Variants in SYNE3 observed in about 807,000 individuals in gnomAD.
SYNE3 encodes nesprin-3.
A neutral mutation model predicts 111.2 loss-of-function variants in SYNE3; 100 were observed. The ratio of observed to expected loss-of-function variants is 0.90; its 90% CI spans 0.77 to 1.06. The LOEUF (loss-of-function observed/expected upper bound fraction) is 1.06. Ranked by LOEUF, SYNE3 falls within the 50% of genes least tolerant of loss-of-function variation. SYNE3 has a pLI of 0.00. For missense variants in SYNE3, 1,160 were observed against 1,240.3 expected (o/e 0.94, Z 0.97); for synonymous variants, 547 against 533.9 (o/e 1.02, Z -0.34).
chr14:95,446,589 A>G (rs1436874806), intron 8 of SYNE3, among the ~76,000 whole-genome samples: 1 of 152,000 alleles, frequency 6.6e-6, no homozygotes, highest in African/African-American at 2.4e-5. Flanking sequence ...TATCTGCAAC[A>G]GTGTTTTGGA....
intron 4 of SYNE3, among the ~76,000 whole-genome samples, chr14:95,464,970 C>T (rs1008041410): frequency 6.6e-6 from 1 of 152,186 alleles, no homozygotes; most frequent in African/African-American, 2.4e-5. Flanking sequence ...GGGAAAATGA[C>T]ATAATTTGTT....
intron 8 of SYNE3, 22 bp downstream of exon 8, chr14:95,449,909 C>G: frequency 6.5e-7 from 1 of 1,547,448 alleles, no homozygotes; most frequent in Non-Finnish European, 8.7e-7. Flanking sequence ...CAGCCCCACC[C>G]AGTTGGCAGG....
intron 17 of SYNE3, among the ~76,000 whole-genome samples, chr14:95,418,891 C>T (rs1223390837): frequency 2.6e-5 from 4 of 152,100 alleles, no homozygotes; most frequent in African/African-American, 4.8e-5. Flanking sequence ...TGTGAGCCAC[C>T]GCGCCTGGCC....
At chr14:95,424,727 G>A (rs1270767898) in intron 17 of SYNE3, among the ~76,000 whole-genome samples, 2 of 152,130 alleles carry the variant, frequency 1.3e-5, no homozygotes, top group Non-Finnish European at 2.9e-5. Context: ...CCCAAACCAA[G>A]GGATATTCCA....
At chr14:95,495,393 G>C (rs757531925) in intron 1 of SYNE3, among the ~76,000 whole-genome samples, 66 of 152,242 alleles carry the variant, frequency 4.3e-4, no homozygotes, top group Non-Finnish European at 8.8e-5. Flanking sequence ...CCCTATGATT[G>C]TCCTGGTAGG....
rs764945000 is a variant in SYNE3, at chr14:95,445,994, G to A, written c.1547C>T (p.Thr516Met). Residue 516 changes from threonine (T) to methionine (M), a missense_variant, in exon 9 of 18, where the codon ACG becomes ATG. By Grantham distance (81) the Thr-to-Met change is moderately conservative (BLOSUM62 -1). Transcript: ENST00000682763. ...LIGIFGQERA[T>M]ALLEQVAGSM... ...ACCTGCCACCTGCTCCAGGAGTGCC[G>A]TGGCTCTCTCCTGGCCAAAGATGCC... 115 of 1,613,992 alleles carry A rather than the reference G, an allele frequency of 7.1e-5. No homozygotes were observed. The highest frequency in any genetic ancestry group is 1.6e-4 in the African/African-American group (12 of 74,904).
intron 2 of SYNE3, among the ~76,000 whole-genome samples, chr14:95,473,334 T>C (rs1321491468): frequency 1.3e-5 from 2 of 151,928 alleles, no homozygotes; most frequent in African/African-American, 4.8e-5. Context: ...AACCACCACC[T>C]GGAGGGAAAG....
intron 1 of SYNE3, among the ~76,000 whole-genome samples, chr14:95,479,810 G>T (rs1005678523): frequency 1.3e-5 from 2 of 152,214 alleles, no homozygotes; most frequent in African/African-American, 4.8e-5. Flanking sequence ...CCTGCTGAGG[G>T]CACCAGAGCT....
At chr14:95,477,578 C>T (rs772245615) in intron 1 of SYNE3, among the ~76,000 whole-genome samples, 1 of 152,128 alleles carries the variant, frequency 6.6e-6, no homozygotes. Context: ...GAAGAAGCTT[C>T]GGGGAGAACC....
intron 6 of SYNE3, among the ~76,000 whole-genome samples, chr14:95,453,065 AGG>A (rs1030334782): frequency 2.0e-5 from 3 of 152,174 alleles, no homozygotes; most frequent in Non-Finnish European, 4.4e-5. Flanking sequence ...AGTAGGAGGC[AGG>A]GTGGGGTAGT....
rs1300733056 is a variant in SYNE3, at chr14:95,430,238, G to A, written c.2727+1841C>T. On this transcript the variant is annotated intron_variant, in intron 17 of 17. Transcript: ENST00000682763. ...CCACATGGATCCTGGCCTAGGGGCT[G>A]CATAGGTGGGGGCTTCCAACCAGAG... Among the ~76,000 whole-genome samples the A allele has an allele frequency of 2.6e-5, 4 of 152,270 alleles. No individual in the cohort carries two copies. In the South Asian group the frequency reaches 6.2e-4, roughly 24 times the overall value.
intron 4 of SYNE3, among the ~76,000 whole-genome samples, chr14:95,459,895 C>T (rs758157720): frequency 3.3e-5 from 5 of 150,362 alleles, no homozygotes; most frequent in Non-Finnish European, 7.4e-5. Context: ...CCCAGGAGTT[C>T]GAGACCAGCC....
chr14:95,478,075 G>A (rs1437672833), intron 1 of SYNE3, among the ~76,000 whole-genome samples: 1 of 152,124 alleles, frequency 6.6e-6, no homozygotes, highest in Non-Finnish European at 1.5e-5. Flanking sequence ...TTGGTGTCTG[G>A]AGGGTATAGC....
chr14:95,489,995 T>C (rs571098379), intron 1 of SYNE3, among the ~76,000 whole-genome samples: 11 of 152,188 alleles, frequency 7.2e-5, no homozygotes, highest in Non-Finnish European at 1.5e-4. Context: ...CACCGCCAAC[T>C]TGCTCCCAAA....
intron 1 of SYNE3, among the ~76,000 whole-genome samples, chr14:95,486,813 G>A (rs1889574824): frequency 1.3e-5 from 2 of 152,092 alleles, no homozygotes; most frequent in South Asian, 4.1e-4. Context: ...TTACACGCAA[G>A]TTTTTAAACT....
At chr14:95,514,310 T>C (rs933410531) in intron 1 of SYNE3, among the ~76,000 whole-genome samples, 8 of 152,158 alleles carry the variant, frequency 5.3e-5, no homozygotes, top group African/African-American at 1.9e-4. Flanking sequence ...GCCACATCAA[T>C]GGGTCAGCTG....
chr14:95,487,149 C>T (rs1287757978), intron 1 of SYNE3, among the ~76,000 whole-genome samples: 2 of 152,232 alleles, frequency 1.3e-5, no homozygotes, highest in African/African-American at 4.8e-5. Flanking sequence ...ACTGCAGGTG[C>T]AGAGGAGAAA....
At position 95,436,969 on chromosome 14, in the gene SYNE3, G is replaced by A; in HGVS notation, c.2389C>T (p.Gln797Ter). The A allele has an allele frequency of 6.2e-7, 1 of 1,609,862 alleles. No individual in the cohort carries two copies. The highest frequency in any genetic ancestry group is 8.5e-7 in the Non-Finnish European group (1 of 1,178,882). Residue 797 changes from glutamine (Q) to a stop codon, truncating the protein, a stop_gained, in exon 15 of 18, where the codon CAG becomes TAG. Coordinates refer to ENST00000682763, the MANE Select transcript of SYNE3 (RefSeq NM_152592.6). LOFTEE classifies it high-confidence loss of function. ...PRHRRRANLL[Q>*]EEEGSHEDFS... ...TCTTCATGGCTCCCTTCTTCTTCCT[G>A]TAGAAGATTTGCCTGTAGGATCACA...
intron 1 of SYNE3, among the ~76,000 whole-genome samples, chr14:95,496,735 A>G (rs1428655822): frequency 6.6e-6 from 1 of 152,262 alleles, no homozygotes; most frequent in African/African-American, 2.4e-5. Context: ...TGAAGGTCAC[A>G]AACTTTCTTG....
Sources: allele counts gnomAD v4.1 joint callset (sites outside exome capture counted in the v4.1 genomes callset), GRCh38; gene constraint gnomAD v4.1.1; transcripts MANE v1.5; gene names NCBI Gene and HGNC (gene_info 2026-07-23, HGNC 2026-07-21).